The following HAVCR1 variants were observed in gnomAD, a reference collection of about 807,000 sequenced individuals.
The protein encoded by HAVCR1 is T cell immunoglobin domain and mucin domain protein 1.
Under a neutral mutation model 32.0 loss-of-function variants are expected in HAVCR1, and 34 were observed. The ratio of observed to expected loss-of-function variants is 1.06; its 90% CI spans 0.81 to 1.42. HAVCR1 has a LOEUF of 1.42. HAVCR1 is among the 40% of genes most tolerant of loss of function. The pLI is 0.00. For missense variants in HAVCR1, 420 were observed against 442.3 expected, an observed-to-expected ratio of 0.95 and a Z score of 0.45; for synonymous variants, 178 against 170.3, an observed-to-expected ratio of 1.05 and a Z score of -0.35.
chr5:157,049,231 G>A, intron 4 of HAVCR1, 86 bp from the exon 5 acceptor site: 1 of 882,560 alleles, frequency 1.1e-6, no homozygotes, highest in Admixed American at 1.8e-5. Flanking sequence ...CTAGAATCAG[G>A]AATTACCATC....
intron 6 of HAVCR1, among the ~76,000 whole-genome samples, chr5:157,040,969 T>A (rs1754856395): frequency 1.3e-5 from 2 of 152,140 alleles, no homozygotes; most frequent in South Asian, 4.1e-4. Context: ...AACCTCAGAC[T>A]TTTTTTGTTT....
chr5:157,067,481 AGAGT>A, the HAVCR1 span, among the ~76,000 whole-genome samples: 69 of 152,274 alleles, frequency 4.5e-4, 1 homozygote, highest in Non-Finnish European at 1.2e-4. Flanking sequence ...CCTGAGCAAC[AGAGT>A]GAGTCCCCAT....
intron 5 of HAVCR1, among the ~76,000 whole-genome samples, chr5:157,044,969 G>T (rs1290584382): frequency 6.6e-6 from 1 of 152,018 alleles, no homozygotes; most frequent in Non-Finnish European, 1.5e-5. Flanking sequence ...GTTTATGTGT[G>T]TATGTGTGTG....
chr5:157,054,358 G>T (rs897730456), intron 3 of HAVCR1, among the ~76,000 whole-genome samples: 11 of 151,922 alleles, frequency 7.2e-5, no homozygotes, highest in African/African-American at 2.4e-4. Flanking sequence ...ACAAAAACTA[G>T]CTGGGTATGG....
chr5:157,038,652 T>C (rs17054122), intron 6 of HAVCR1, among the ~76,000 whole-genome samples: 46,702 of 152,054 alleles, frequency 0.31, 8,659 homozygotes, highest in East Asian at 0.66. Flanking sequence ...GCATAGCCAG[T>C]GTCTGGGAGT....
chr5:157,048,407 T>G (rs1001639076), intron 5 of HAVCR1, among the ~76,000 whole-genome samples: 6 of 152,252 alleles, frequency 3.9e-5, no homozygotes, highest in Admixed American at 3.9e-4. Flanking sequence ...GGATTCTTGA[T>G]GTTCTAAGGA....
rs1357488000 is a variant in HAVCR1, at chr5:157,055,557, G to A, written c.47-24C>T. The A allele has an allele frequency of 3.6e-6, 5 of 1,375,688 alleles. No individual in the cohort carries two copies. In the African/African-American group the frequency reaches 7.2e-5, roughly 20 times the overall value. 85.2% of individuals were successfully genotyped at this position (1,375,688 alleles called of 1,614,324 possible). A position where few individuals can be genotyped will look rare whatever the true frequency, so the allele number is the denominator to read the frequency against. ...ATCTGCAAAGAAGAAAAGACAAACT[G>A]AGAATGAGCCCTCACTATTTCATCT... On this transcript the variant is annotated intron_variant, in intron 2 of 8. Coordinates refer to ENST00000523175, the MANE Select transcript of HAVCR1 (RefSeq NM_001173393.3).
chr5:157,067,946 G>A, the HAVCR1 span, among the ~76,000 whole-genome samples: 6 of 152,040 alleles, frequency 3.9e-5, no homozygotes, highest in African/African-American at 1.4e-4. Flanking sequence ...CCAAAGTGCT[G>A]GGATTACAGG....
At position 157,052,653 on chromosome 5, in the gene HAVCR1, G is replaced by T; in HGVS notation, c.381C>A (p.Pro127=). ...TGACAATTGGAGTAGTCGTGACCTT[G>T]GCTGGAGTCAGAAATCAACATGAGA... is the stretch of plus-strand genomic sequence containing the variant. ...KITVSLEIVP[P]KVTTTPIVTT... is the part of the protein sequence containing the mutation. The change falls in exon 4 of 9, where the codon CCC becomes CCA. Residue 127 remains proline (P), a splice_region_variant and synonymous_variant. Coordinates refer to ENST00000523175, the MANE Select transcript of HAVCR1 (RefSeq NM_001173393.3). 6.2e-7 allele frequency: 1 copy of T among 1,612,590 alleles called. No individual in the cohort carries two copies. Among genetic ancestry groups the T allele is most frequent in the South Asian group, 1.1e-5 (1 of 91,050 alleles).
intron 4 of HAVCR1, 43 bp downstream of exon 4, chr5:157,052,318 C>A: frequency 6.4e-7 from 1 of 1,570,140 alleles, no homozygotes; most frequent in South Asian, 1.1e-5. Context: ...GTCCGCAGCT[C>A]CTCATTAGAA....
intron 6 of HAVCR1, among the ~76,000 whole-genome samples, chr5:157,039,419 G>A (rs1754729960): frequency 6.6e-6 from 1 of 152,118 alleles, no homozygotes; most frequent in Non-Finnish European, 1.5e-5. Context: ...TGCAATCTCG[G>A]CTCACTGCAA....
chr5:157,038,380 G>C (rs1469468118), intron 6 of HAVCR1, among the ~76,000 whole-genome samples: 1 of 152,130 alleles, frequency 6.6e-6, no homozygotes, highest in Admixed American at 6.5e-5. Flanking sequence ...TTAATAGAAG[G>C]AAGGGGGAGA....
intron 6 of HAVCR1, among the ~76,000 whole-genome samples, chr5:157,042,024 A>T (rs1027805886): frequency 6.6e-6 from 1 of 151,760 alleles, no homozygotes; most frequent in African/African-American, 2.4e-5. Context: ...GCATCACTAC[A>T]CTCCAGCCTA....
the HAVCR1 span, among the ~76,000 whole-genome samples, chr5:157,064,942 T>C: frequency 6.6e-6 from 1 of 152,132 alleles, no homozygotes; most frequent in Non-Finnish European, 1.5e-5. Context: ...GTTTTAAGTA[T>C]GTTGAGTTTG....
At chr5:157,030,241 G>A (rs1039716447) in intron 8 of HAVCR1, among the ~76,000 whole-genome samples, 1 of 152,192 alleles carries the variant, frequency 6.6e-6, no homozygotes, top group Non-Finnish European at 1.5e-5. Flanking sequence ...TGTAGCTTGT[G>A]ATCCTTTAGA....
chr5:157,060,901 A>ATT (rs34856460), upstream of HAVCR1, among the ~76,000 whole-genome samples: 34 of 149,088 alleles, frequency 2.3e-4, no homozygotes, highest in East Asian at 3.9e-4. Flanking sequence ...GGCATTTTTA[A>ATT]TTTTTTTTTT....
intron 5 of HAVCR1, among the ~76,000 whole-genome samples, chr5:157,048,507 T>C (rs1434227918): frequency 6.6e-6 from 1 of 152,190 alleles, no homozygotes; most frequent in Non-Finnish European, 1.5e-5. Flanking sequence ...ACAAGCATTC[T>C]GCAAGATCTT....
At chr5:157,059,544 G>A (rs1284934700), upstream of HAVCR1, among the ~76,000 whole-genome samples, 1 of 152,034 alleles carries the variant, frequency 6.6e-6, no homozygotes, top group African/African-American at 2.4e-5. Flanking sequence ...GGGTGGTGGC[G>A]GGCGCCTGTA....
At chr5:157,056,564 T>C (rs1173858647) in intron 2 of HAVCR1, among the ~76,000 whole-genome samples, 1 of 151,612 alleles carries the variant, frequency 6.6e-6, no homozygotes, top group East Asian at 2.0e-4. Flanking sequence ...GTATTTTTAG[T>C]AGAGACGGGG....
Sources: allele counts gnomAD v4.1 joint callset (sites outside exome capture counted in the v4.1 genomes callset), GRCh38; gene constraint gnomAD v4.1.1; transcripts MANE v1.5; gene names NCBI Gene and HGNC (gene_info 2026-07-23, HGNC 2026-07-21).